The following TTC9 variants were observed in gnomAD, a reference collection of about 807,000 sequenced individuals.
The protein encoded by TTC9 is tetratricopeptide repeat domain 9.
In TTC9, 13 loss-of-function variants were observed where a neutral mutation model predicts 22.9. The ratio of observed to expected loss-of-function variants is 0.57; its 90% CI spans 0.37 to 0.90. The LOEUF is 0.90. Among genes scored for constraint, TTC9 ranks in the 40% least tolerant of loss-of-function variants. The pLI, the probability that TTC9 is intolerant of heterozygous loss-of-function variation, is 0.01. For synonymous variants in TTC9, 148 were observed against 133.2 expected, an observed-to-expected ratio of 1.11 and a Z score of -0.77; for missense variants, 280 against 291.8, an observed-to-expected ratio of 0.96 and a Z score of 0.29.
intron 1 of TTC9, among the ~76,000 whole-genome samples, chr14:70,643,874 A>G (rs1885865670): frequency 6.6e-6 from 1 of 152,230 alleles, no homozygotes; most frequent in African/African-American, 2.4e-5. Flanking sequence ...TTAATAGAGT[A>G]GTAGTAGCAG....
intron 1 of TTC9, among the ~76,000 whole-genome samples, chr14:70,642,782 C>T (rs1640130328): frequency 6.6e-6 from 1 of 152,372 alleles, no homozygotes; most frequent in Admixed American, 6.5e-5. Context: ...TGGAAGGGGA[C>T]CCAGCTGGCC....
chr14:70,659,925 C>A (rs947645859), intron 1 of TTC9, among the ~76,000 whole-genome samples: 1 of 152,154 alleles, frequency 6.6e-6, no homozygotes, highest in Non-Finnish European at 1.5e-5. Context: ...CTCCATTTTC[C>A]TATCTGAAAA....
At chr14:70,654,479 T>G (rs930432099) in intron 1 of TTC9, among the ~76,000 whole-genome samples, 3 of 149,824 alleles carry the variant, frequency 2.0e-5, no homozygotes, top group Non-Finnish European at 3.0e-5. Flanking sequence ...TAGTCCCAGC[T>G]ACTCAGGAGG....
chr14:70,659,099 G>A (rs1250783206), intron 1 of TTC9, among the ~76,000 whole-genome samples: 1 of 144,594 alleles, frequency 6.9e-6, no homozygotes, highest in East Asian at 2.3e-4. Flanking sequence ...ACCTACACAC[G>A]ATAAAACTGT....
At chr14:70,660,085 C>A (rs1212541514) in intron 1 of TTC9, among the ~76,000 whole-genome samples, 2 of 152,236 alleles carry the variant, frequency 1.3e-5, no homozygotes, top group Non-Finnish European at 2.9e-5. Context: ...ATACTGTCCA[C>A]TGGTGCAGGG....
At chr14:70,663,248 C>T (rs1886168996) in intron 1 of TTC9, among the ~76,000 whole-genome samples, 1 of 152,182 alleles carries the variant, frequency 6.6e-6, no homozygotes, top group African/African-American at 2.4e-5. Context: ...TAGGCCATTC[C>T]CCTCTCGCTC....
At chr14:70,653,268 A>G (rs1192705793) in intron 1 of TTC9, among the ~76,000 whole-genome samples, 1 of 152,190 alleles carries the variant, frequency 6.6e-6, no homozygotes, top group African/African-American at 2.4e-5. Flanking sequence ...AGAGAGGGAA[A>G]GAATGCAGCA....
chr14:70,651,227 C>T (rs1050560927), intron 1 of TTC9, among the ~76,000 whole-genome samples: 27 of 152,354 alleles, frequency 1.8e-4, no homozygotes, highest in African/African-American at 6.5e-4. Context: ...AGTGATCCCC[C>T]TGCCTTGGCC....
chr14:70,664,833 T>C (rs554978967), intron 1 of TTC9, among the ~76,000 whole-genome samples: 6 of 151,950 alleles, frequency 3.9e-5, no homozygotes, highest in African/African-American at 1.4e-4. Context: ...GTCTGTGGTG[T>C]CAGCTGAGGC....
At chr14:70,642,637 C>T (rs1033902000) in intron 1 of TTC9, 102 bp downstream of exon 1, 3 of 1,154,874 alleles carry the variant, frequency 2.6e-6, no homozygotes, top group Non-Finnish European at 3.5e-6. Flanking sequence ...CCTGCTGTGA[C>T]TGTGTTGCTC....
intron 1 of TTC9, among the ~76,000 whole-genome samples, chr14:70,665,708 G>C (rs1262140036): frequency 2.0e-5 from 3 of 152,184 alleles, no homozygotes. Context: ...TTCTGTGAAA[G>C]AATGGAGTTT....
chr14:70,656,826 G>A (rs1046534176), intron 1 of TTC9, among the ~76,000 whole-genome samples: 1 of 152,328 alleles, frequency 6.6e-6, no homozygotes, highest in African/African-American at 2.4e-5. Flanking sequence ...CCAAAGTCCC[G>A]CTTCCAGACT....
intron 2 of TTC9, 106 bp downstream of exon 2, chr14:70,667,852 G>C (rs906233565): frequency 8.8e-7 from 1 of 1,137,614 alleles, no homozygotes; most frequent in East Asian, 2.4e-5. Flanking sequence ...CAGGGACAGA[G>C]ATGGCAAAAT....
chr14:70,662,592 A>G (rs1403795071), intron 1 of TTC9, among the ~76,000 whole-genome samples: 3 of 152,246 alleles, frequency 2.0e-5, no homozygotes, highest in Non-Finnish European at 2.9e-5. Context: ...TTGTCCTTCT[A>G]TTAAGTGGCA....
At chr14:70,644,886 G>A (rs1885880940) in intron 1 of TTC9, among the ~76,000 whole-genome samples, 1 of 152,086 alleles carries the variant, frequency 6.6e-6, no homozygotes, top group Non-Finnish European at 1.5e-5. Flanking sequence ...GCCGAGGCGG[G>A]CGGATCACGA....
At chr14:70,647,343 G>A (rs528327480) in intron 1 of TTC9, among the ~76,000 whole-genome samples, 1 of 152,178 alleles carries the variant, frequency 6.6e-6, no homozygotes, top group African/African-American at 2.4e-5. Flanking sequence ...TTTCCACCAG[G>A]CTTTCAGATG....
At chr14:70,660,944 G>A (rs1428053371) in intron 1 of TTC9, among the ~76,000 whole-genome samples, 1 of 152,208 alleles carries the variant, frequency 6.6e-6, no homozygotes, top group Non-Finnish European at 1.5e-5. Flanking sequence ...ACAAAGCAGT[G>A]ACTAGCAAGG....
Position 70,642,159 on chromosome 14 carries a change from C to T in TTC9, c.30C>T (p.Ala10=), listed in dbSNP as rs1885821446. Residue 10 remains alanine, a synonymous_variant, in exon 1 of 3, where the codon GCC becomes GCT. Coordinates refer to ENST00000256367, the MANE Select transcript of TTC9 (RefSeq NM_015351.2). MERKGSAAG[A]KGNPSPPAAG... Reference sequence around the variant, plus strand: ...AGAGAAAGGGCTCGGCGGCCGGGGCCAAGGGGAACCCGAGCCCGCCCGCGG... The same window carrying T: ...AGAGAAAGGGCTCGGCGGCCGGGGCTAAGGGGAACCCGAGCCCGCCCGCGG... The T allele has an allele frequency of 8.4e-7, 1 of 1,186,310 alleles. No individual in the cohort carries two copies. 73.5% of individuals were successfully genotyped at this position (1,186,310 alleles called of 1,614,324 possible). A position where few individuals can be genotyped will look rare whatever the true frequency, so the allele number is the denominator to read the frequency against.
chr14:70,657,296 C>CT (rs1886080299), intron 1 of TTC9, among the ~76,000 whole-genome samples: 1 of 152,306 alleles, frequency 6.6e-6, no homozygotes, highest in East Asian at 1.9e-4. Context: ...CTAAGAGTGC[C>CT]TACCCGAAAT....
Sources: gnomAD v4.1 joint callset for allele counts (sites outside exome capture counted in the v4.1 genomes callset) on GRCh38, gnomAD v4.1.1 for gene constraint, MANE v1.5 for transcripts, NCBI Gene and HGNC (gene_info 2026-07-23, HGNC 2026-07-21) for gene names.